Variants in TMEM63C observed in about 807,000 individuals in gnomAD.
TMEM63C encodes osmosensitive cation channel TMEM63C.
TMEM63C carries 32 observed loss-of-function variants against 99.2 expected under a neutral mutation model. The observed-to-expected ratio is 0.32, with a 90% CI of 0.24 to 0.43. TMEM63C has a LOEUF of 0.43. TMEM63C is among the 20% of genes least tolerant of loss of function. The pLI, the probability that TMEM63C is intolerant of heterozygous loss-of-function variation, is 1.00. For missense variants in TMEM63C, 826 were observed against 1,053.0 expected (o/e 0.78, Z 2.98); for synonymous variants, 376 against 397.9 (o/e 0.94, Z 0.66).
chr14:77,215,824 C>T (rs528246291), intron 2 of TMEM63C, among the ~76,000 whole-genome samples: 1 of 152,260 alleles, frequency 6.6e-6, no homozygotes, highest in Admixed American at 6.5e-5. Context: ...GCAGTTCCCC[C>T]CTCCTCCTAC....
chr14:77,246,147 C>T lies in TMEM63C; in HGVS notation c.1535+121C>T, dbSNP rs368493298. 1,221 of 788,702 alleles carry T rather than the reference C, an allele frequency of 1.5e-3. 24 individuals carry two copies. In the South Asian group the frequency reaches 0.017, roughly 11 times the overall value. The allele number at this position is 788,702 out of a possible 1,614,324, so 48.9% of individuals were successfully genotyped here. A position where few individuals can be genotyped will look rare whatever the true frequency, so the allele number is the denominator to read the frequency against. On this transcript the variant is annotated intron_variant, in intron 17 of 23. Transcript: ENST00000298351. Reference sequence around the variant, plus strand: ...CAAACCCACTCCTCAAAGACAGCCCCATGCCTGTCATGGGTGTAGCATGAG... The same window carrying T: ...CAAACCCACTCCTCAAAGACAGCCCTATGCCTGTCATGGGTGTAGCATGAG...
chr14:77,250,269 C>T (rs776419021), intron 21 of TMEM63C, among the ~76,000 whole-genome samples: 25 of 152,162 alleles, frequency 1.6e-4, no homozygotes, highest in Non-Finnish European at 3.4e-4. Flanking sequence ...GAGACACCCT[C>T]CCAGAAGCAG....
intron 22 of TMEM63C, among the ~76,000 whole-genome samples, 170 bp downstream of exon 22, chr14:77,252,068 ATGCCTTGCG>A (rs746281718): frequency 2.9e-5 from 4 of 137,796 alleles, no homozygotes; most frequent in African/African-American, 1.2e-4. Context: ...GCATGCGTGC[ATGCCTTGCG>A]TGCATGCGTG....
At chr14:77,216,826 G>A (rs913396375) in intron 2 of TMEM63C, among the ~76,000 whole-genome samples, 10 of 152,050 alleles carry the variant, frequency 6.6e-5, no homozygotes, top group Middle Eastern at 3.4e-3. Flanking sequence ...CGAGCTCTCC[G>A]CATCTACTTC....
At chr14:77,232,856 C>G (rs867477335) in intron 7 of TMEM63C, among the ~76,000 whole-genome samples, 1 of 152,244 alleles carries the variant, frequency 6.6e-6, no homozygotes, top group South Asian at 2.1e-4. Context: ...AGGTTTCTAC[C>G]TGTTCATCCT....
chr14:77,187,437 C>A (rs980093062), intron 1 of TMEM63C, among the ~76,000 whole-genome samples: 2 of 152,214 alleles, frequency 1.3e-5, no homozygotes, highest in Non-Finnish European at 2.9e-5. Context: ...TCCCACCCCG[C>A]CCCCACCAGG....
rs529171373 is a variant in TMEM63C at position 77,187,647 on chromosome 14, C to T, written c.-77+5753C>T. Among the ~76,000 whole-genome samples the T allele has an allele frequency of 1.0e-3, 157 of 152,350 alleles. 2 individuals are homozygous for T. The highest frequency in any genetic ancestry group is 4.0e-4 in the Non-Finnish European group (27 of 68,010). On this transcript the variant is annotated intron_variant, in intron 1 of 23. Transcript: ENST00000298351. ...GCCAAGTGGAGGAGCAGAAGGAGCCCCAGTCCCAGCACCCTCCTGTGTGGC... is the reference window on the plus strand; with the variant it reads ...GCCAAGTGGAGGAGCAGAAGGAGCCTCAGTCCCAGCACCCTCCTGTGTGGC...
At chr14:77,220,923 CTCTCCCACCCA>C (rs1888687723) in intron 5 of TMEM63C, among the ~76,000 whole-genome samples, 2 of 13,748 alleles carry the variant, frequency 1.5e-4, no homozygotes, top group East Asian at 1.9e-3. Context: ...CTCACGCCTC[CTCTCCCACCCA>C]CGCCTCCCCT....
At chr14:77,241,426 TG>T (rs1889173822) in intron 13 of TMEM63C, among the ~76,000 whole-genome samples, 1 of 152,178 alleles carries the variant, frequency 6.6e-6, no homozygotes, top group African/African-American at 2.4e-5. Flanking sequence ...CACTCTGGAA[TG>T]TTCCAGAAGG....
chr14:77,252,064 G>A (rs57873468), intron 22 of TMEM63C, among the ~76,000 whole-genome samples, 166 bp downstream of exon 22: 3,042 of 137,016 alleles, frequency 0.022, 103 homozygotes, highest in African/African-American at 0.088. Context: ...GCATGCATGC[G>A]TGCATGCCTT....
rs1055187949 is a variant in TMEM63C at position 77,183,951 on chromosome 14, G to A, written c.-77+2057G>A. Among the ~76,000 whole-genome samples, 5 of 152,208 alleles carry A rather than the reference G, an allele frequency of 3.3e-5. No individual in the cohort carries two copies. In the East Asian group the frequency reaches 7.7e-4, roughly 23 times the overall value. On this transcript the variant is annotated intron_variant, in intron 1 of 23. Transcript: ENST00000298351. The stretch of plus-strand genomic sequence containing the variant: ...AAGGGTCAGGCCTCAGAGAGGCCCC[G>A]TGGTGAGAACCAGACTTAAAGAGCA...
intron 1 of TMEM63C, among the ~76,000 whole-genome samples, chr14:77,185,762 G>A (rs1458152133): frequency 6.6e-6 from 1 of 152,154 alleles, no homozygotes; most frequent in Non-Finnish European, 1.5e-5. Flanking sequence ...GCTGCCTGGG[G>A]GAGTACTTGG....
intron 1 of TMEM63C, among the ~76,000 whole-genome samples, chr14:77,200,127 C>T (rs973757338): frequency 1.3e-5 from 2 of 152,196 alleles, no homozygotes; most frequent in Non-Finnish European, 2.9e-5. Context: ...CTTTTTCCAT[C>T]ATCTGGCTTC....
At position 77,218,981 on chromosome 14, in the gene TMEM63C, C is replaced by A. The variant is rs750900991; in HGVS notation, c.150+18C>A. ...TGTGGGTGGTGAGTCCTGGGCACTG[C>A]AGGAGGCAGACAGTAAAGCCTCAGA... On this transcript the variant is annotated intron_variant, in intron 3 of 23. Transcript: ENST00000298351. 6.5e-7 allele frequency: 1 copy of A among 1,533,934 alleles called. No homozygotes were observed. Among genetic ancestry groups the A allele is most frequent in the South Asian group, 1.2e-5 (1 of 80,916 alleles).
In TMEM63C at chr14:77,231,698, T is replaced by A. The variant is rs1363289042; in HGVS notation, c.461T>A (p.Ile154Asn). The change falls in exon 7 of 24, where the codon ATT (isoleucine) becomes AAT (asparagine). Residue 154 changes from isoleucine (I) to asparagine (N), a missense_variant. Transcript: ENST00000298351. ...ATCTGTATCCCCTCCCTGGGCATCA[T>A]TTTGCCCATCAACTATACTGGATCT... ...LIICIPSLGIILPINYTGSVL... is the reference protein window; with the variant it reads ...LIICIPSLGINLPINYTGSVL... 2 of 1,551,546 alleles carry A rather than the reference T, an allele frequency of 1.3e-6. No homozygotes were observed. The highest frequency in any genetic ancestry group is 1.7e-6 in the Non-Finnish European group (2 of 1,146,998).
intron 18 of TMEM63C, 76 bp downstream of exon 18, chr14:77,246,750 C>A (rs1180248725): frequency 8.0e-7 from 1 of 1,253,074 alleles, no homozygotes; most frequent in East Asian, 2.4e-5. Context: ...TCCCTGAGTC[C>A]AGCACCTGAA....
At chr14:77,249,211 T>C in intron 20 of TMEM63C, 80 bp from the exon 21 acceptor site, 3 of 1,469,872 alleles carry the variant, frequency 2.0e-6, no homozygotes. Flanking sequence ...ATCTGGCTTC[T>C]CAGGCCTGTG....
intron 23 of TMEM63C, 26 bp downstream of exon 23, chr14:77,253,402 T>C: frequency 6.3e-7 from 1 of 1,590,926 alleles, no homozygotes; most frequent in East Asian, 2.3e-5. Flanking sequence ...CAGGGACAGG[T>C]TGGGAGGGTG....
rs1188585353 is a variant in TMEM63C, at chr14:77,252,068, ATGCCTTGCGTGCATGCG to A, written c.2148+174_2148+190del. On this transcript the variant is annotated intron_variant, in intron 22 of 23. Coordinates refer to ENST00000298351, the MANE Select transcript of TMEM63C (RefSeq NM_020431.4). ...TGTGCATGCGTGCATGCATGCGTGC[ATGCCTTGCGTGCATGCG>A]TGCATGCCTTGCACTAGCTTAGGCT... Among the ~76,000 whole-genome samples the A allele has an allele frequency of 1.9e-3, 266 of 137,792 alleles. 2 individuals are homozygous for A. The highest frequency in any genetic ancestry group is 7.2e-3 in the African/African-American group (240 of 33,328). 90.4% of individuals were successfully genotyped at this position (137,792 alleles called of 152,430 possible). A position where few individuals can be genotyped will look rare whatever the true frequency, so the allele number is the denominator to read the frequency against.
Sources: allele counts gnomAD v4.1 joint callset (sites outside exome capture counted in the v4.1 genomes callset), GRCh38; gene constraint gnomAD v4.1.1; transcripts MANE v1.5; gene names NCBI Gene and HGNC (gene_info 2026-07-23, HGNC 2026-07-21).